Variants in DOP1A observed in about 807,000 individuals in gnomAD.
DOP1A encodes the protein protein DOP1A.
In DOP1A, 90 loss-of-function variants were observed where a neutral mutation model predicts 267.6. The observed-to-expected ratio is 0.34, with a 90% confidence interval of 0.28 to 0.40. DOP1A has a LOEUF of 0.40. DOP1A is among the 10% of genes least tolerant of loss of function. DOP1A has a pLI of 1.00. For synonymous variants in DOP1A, 932 were observed against 999.1 expected (o/e 0.93, Z 1.27); for missense variants, 2,437 against 2,900.4 (o/e 0.84, Z 3.67).
At chr6:83,080,932 A>AC in intron 1 of DOP1A, among the ~76,000 whole-genome samples, 1 of 152,286 alleles carries the variant, frequency 6.6e-6, no homozygotes, top group Admixed American at 6.5e-5. Flanking sequence ...ACCACAAAAG[A>AC]CCCCAAATAA....
chr6:83,109,306 G>A (rs1774161403), intron 5 of DOP1A, among the ~76,000 whole-genome samples: 1 of 152,152 alleles, frequency 6.6e-6, no homozygotes, highest in South Asian at 2.1e-4. Flanking sequence ...TGGATGTACT[G>A]AGTTGAAATC....
At chr6:83,119,940 T>C in intron 9 of DOP1A, 83 bp downstream of exon 9, 2 of 1,115,286 alleles carry the variant, frequency 1.8e-6, no homozygotes, top group Non-Finnish European at 2.6e-6. Flanking sequence ...CTTGCCTTAA[T>C]TGAATTCACA....
chr6:83,157,145 T>C (rs1782985592), intron 34 of DOP1A, 37 bp from the exon 35 acceptor site: 2 of 1,599,812 alleles, frequency 1.3e-6, no homozygotes, highest in African/African-American at 1.3e-5. Flanking sequence ...GTGATAAAGA[T>C]TATTTAGTTA....
chr6:83,129,114 C>T lies in DOP1A; in HGVS notation c.1947C>T (p.Thr649=). 1 of 1,614,028 alleles carries T rather than the reference C, an allele frequency of 6.2e-7. No individual in the cohort carries two copies. Among genetic ancestry groups the T allele is most frequent in the Non-Finnish European group, 8.5e-7 (1 of 1,179,974 alleles). Residue 649 remains threonine (T), a synonymous_variant, in exon 16 of 39, where the codon ACC becomes ACT. Transcript: ENST00000349129. ...CATCCACTGTGGGATCTGAAGAAACCATCATCCAGACCCCTTCCGTAGTCA... is the reference window on the plus strand; with the variant it reads ...CATCCACTGTGGGATCTGAAGAAACTATCATCCAGACCCCTTCCGTAGTCA... ...ETASTVGSEE[T]IIQTPSVVTQ...
rs542189752 is a variant in DOP1A, at chr6:83,108,419, C to T, written c.321-491C>T. ...TCTTAAACTCCTGGGCCTAAGCAGT[C>T]CTCCCACCTCCGCCTTCCAAAGTGC... On this transcript the variant is annotated intron_variant, in intron 4 of 38. Coordinates refer to ENST00000349129, the MANE Select transcript of DOP1A (RefSeq NM_015018.4). Among the ~76,000 whole-genome samples, 3 of 152,312 alleles carry T rather than the reference C, an allele frequency of 2.0e-5. No homozygotes were observed. In the South Asian group the frequency reaches 6.2e-4, roughly 32 times the overall value.
chr6:83,167,899 G>T lies in DOP1A; in HGVS notation c.7130G>T (p.Gly2377Val). 6.2e-7 allele frequency: 1 copy of T among 1,613,406 alleles called. No homozygotes were observed. The highest frequency in any genetic ancestry group is 8.5e-7 in the Non-Finnish European group (1 of 1,179,606). Reference sequence around the variant, plus strand: ...GAAGACAACTCAGGGAGAACATTGGGTTGGGAGCCAGGGCACTTGCTGCTC... The same window carrying T: ...GAAGACAACTCAGGGAGAACATTGGTTTGGGAGCCAGGGCACTTGCTGCTC... ...PEEDNSGRTL[G>V]WEPGHLLLTI... Residue 2377 changes from glycine to valine, a missense_variant, in exon 39 of 39, where the codon GGT becomes GTT. By Grantham distance (109) the Gly-to-Val change is moderately radical. This residue lies in a region of DOP1A where 197 missense variants were observed against 246.5 expected (regional missense o/e 0.80). Transcript: ENST00000349129.
chr6:83,084,963 T>C (rs1411105576), intron 1 of DOP1A, among the ~76,000 whole-genome samples: 3 of 152,176 alleles, frequency 2.0e-5, no homozygotes, highest in Non-Finnish European at 4.4e-5. Context: ...TTATGTTTAA[T>C]ACAGATTAAA....
At chr6:83,114,455 G>GT in intron 7 of DOP1A, among the ~76,000 whole-genome samples, 1 of 152,198 alleles carries the variant, frequency 6.6e-6, no homozygotes, top group Admixed American at 6.5e-5. Context: ...AAAGATTTAT[G>GT]TTTTTTTAAA....
intron 1 of DOP1A, among the ~76,000 whole-genome samples, chr6:83,086,907 ATTTTAG>A (rs143434086): frequency 0.011 from 1,669 of 152,078 alleles, 10 homozygotes; most frequent in Non-Finnish European, 0.016. Context: ...ATGGGTTTTA[ATTTTAG>A]TTTTAGTTTT....
chr6:83,129,860 A>G (rs1248077462), intron 16 of DOP1A, among the ~76,000 whole-genome samples: 1 of 152,224 alleles, frequency 6.6e-6, no homozygotes, highest in African/African-American at 2.4e-5. Context: ...TGAATACTAC[A>G]TAATGCTTAT....
chr6:83,129,432 A>T lies in DOP1A; in HGVS notation c.2265A>T (p.Leu755=). The T allele has an allele frequency of 6.3e-7, 1 of 1,594,204 alleles. No individual in the cohort carries two copies. The change falls in exon 16 of 39, where the codon CTA becomes CTT. Residue 755 remains leucine (L), a synonymous_variant. Coordinates refer to ENST00000349129, the MANE Select transcript of DOP1A (RefSeq NM_015018.4). ...TCCTTGCTGCCTGTCAGCTCTTCCT[A>T]GAGTGCTCAAGTTTCCCAGTTTACA... The part of the protein sequence containing the change: ...SAFLAACQLF[L]ECSSFPVYIA...
Position 83,137,561 on chromosome 6 carries a change from T to G in DOP1A, c.3519T>G (p.Ser1173=), listed in dbSNP as rs771131093. 5.1e-5 allele frequency: 82 copies of G among 1,613,742 alleles called. 1 individual carries two copies. In the South Asian group the frequency reaches 8.8e-4, roughly 17 times the overall value. Residue 1173 remains serine, a synonymous_variant, in exon 21 of 39, where the codon TCT becomes TCG. Coordinates refer to ENST00000349129, the MANE Select transcript of DOP1A (RefSeq NM_015018.4). The part of the protein sequence containing the change: ...GLEVESASVT[S]QLEIEAMPPK... ...AAGTGGAATCTGCATCAGTTACATC[T>G]CAATTAGAAATTGAAGCTATGCCCC...
At chr6:83,073,859 C>A (rs1359386688) in intron 1 of DOP1A, among the ~76,000 whole-genome samples, 1 of 152,148 alleles carries the variant, frequency 6.6e-6, no homozygotes, top group Non-Finnish European at 1.5e-5. Context: ...CTTTGAGTGT[C>A]CTTATGACAT....
chr6:83,098,081 C>T (rs916560647), intron 3 of DOP1A, among the ~76,000 whole-genome samples: 1 of 151,510 alleles, frequency 6.6e-6, no homozygotes, highest in African/African-American at 2.4e-5. Flanking sequence ...GATAGGATCT[C>T]GCTATGTTGA....
intron 38 of DOP1A, chr6:83,164,634 G>A (rs1433759428): frequency 3.2e-6 from 5 of 1,556,854 alleles, no homozygotes; most frequent in East Asian, 2.4e-5. Context: ...AACAAAGGCT[G>A]TGAGTTCTCC....
At chr6:83,110,701 CTT>C (rs1774396295) in intron 6 of DOP1A, among the ~76,000 whole-genome samples, 1 of 152,114 alleles carries the variant, frequency 6.6e-6, no homozygotes, top group Admixed American at 6.6e-5. Context: ...AGAGGGCAAG[CTT>C]TATATCTCTA....
intron 34 of DOP1A, 83 bp downstream of exon 34, chr6:83,156,186 G>C (rs1429829605): frequency 1.8e-6 from 2 of 1,136,208 alleles, no homozygotes; most frequent in African/African-American, 3.1e-5. Context: ...TACTAAGTTG[G>C]GGTAAAATAT....
In DOP1A at chr6:83,079,701, T is replaced by A. The variant is rs551296432; in HGVS notation, c.-147+11922T>A. ...TATGGGTTTAATTATGCTGTAAAAA[T>A]TATTTTTGCTTATTTCACTTTATTT... On this transcript the variant is annotated intron_variant, in intron 1 of 38. Coordinates refer to ENST00000349129, the MANE Select transcript of DOP1A (RefSeq NM_015018.4). Among the ~76,000 whole-genome samples, 10 of 152,280 alleles carry A rather than the reference T, an allele frequency of 6.6e-5. No individual in the cohort carries two copies. In the East Asian group the frequency reaches 1.2e-3, roughly 18 times the overall value.
intron 1 of DOP1A, among the ~76,000 whole-genome samples, chr6:83,082,106 T>G (rs1369537780): frequency 6.6e-6 from 1 of 151,962 alleles, no homozygotes; most frequent in Non-Finnish European, 1.5e-5. Context: ...TGGAAAACAG[T>G]AAGGAGGGGC....
Sources: allele counts gnomAD v4.1 joint callset (sites outside exome capture counted in the v4.1 genomes callset), GRCh38; gene constraint gnomAD v4.1.1; regional missense constraint gnomAD v4.1.1; transcripts MANE v1.5; gene names NCBI Gene and HGNC (gene_info 2026-07-23, HGNC 2026-07-21).